Variants in GLIS3 observed in about 807,000 individuals in gnomAD.
GLIS3 encodes zinc finger protein GLIS3.
In GLIS3, 53 loss-of-function variants were observed where a neutral mutation model predicts 78.6. That is an observed-to-expected ratio of 0.67 (90% CI 0.54 to 0.85). The LOEUF (loss-of-function observed/expected upper bound fraction) is 0.85, where lower values mean the gene tolerates loss of function less well. Among genes scored for constraint, GLIS3 ranks in the 40% least tolerant of loss-of-function variants. The pLI is 0.00. For synonymous variants in GLIS3, 684 were observed against 509.9 expected (o/e 1.34, Z -4.60); for missense variants, 1,703 against 1,231.1 (o/e 1.38, Z -5.74).
chr9:4,479,367 C>T, the GLIS3 span, among the ~76,000 whole-genome samples: 157 of 152,312 alleles, frequency 1.0e-3, no homozygotes, highest in African/African-American at 3.7e-3. Flanking sequence ...GCAACATTCC[C>T]TGTGGGCCTT....
chr9:3,898,351 G>A (rs1442849035), intron 7 of GLIS3: 5 of 339,920 alleles, frequency 1.5e-5, no homozygotes, highest in South Asian at 2.7e-5. Context: ...AAATCCACAC[G>A]CAGCCTGCTA....
At chr9:4,462,672 GTGTGT>G in the GLIS3 span, among the ~76,000 whole-genome samples, 1 of 151,410 alleles carries the variant, frequency 6.6e-6, no homozygotes, top group Non-Finnish European at 1.5e-5. Flanking sequence ...CATTAGCTGG[GTGTGT>G]TGTATGTCTG....
intron 2 of GLIS3, among the ~76,000 whole-genome samples, chr9:4,327,690 C>T (rs567209401): frequency 3.7e-4 from 57 of 152,308 alleles, no homozygotes; most frequent in African/African-American, 4.1e-4. Context: ...CTCCAGGGGG[C>T]GCCATCCACT....
chr9:4,424,431 C>T, the GLIS3 span, among the ~76,000 whole-genome samples: 2 of 152,196 alleles, frequency 1.3e-5, no homozygotes, highest in East Asian at 1.9e-4. Flanking sequence ...GCAACAGATT[C>T]TAGCCTAGAT....
chr9:4,283,906 G>A (rs895986503), intron 2 of GLIS3, among the ~76,000 whole-genome samples: 1 of 152,180 alleles, frequency 6.6e-6, no homozygotes, highest in Non-Finnish European at 1.5e-5. Context: ...GCCTATGCAT[G>A]TGCCAACCAT....
chr9:4,088,439 G>T (rs1588642013), intron 4 of GLIS3, among the ~76,000 whole-genome samples: 1 of 152,328 alleles, frequency 6.6e-6, no homozygotes, highest in East Asian at 1.9e-4. Flanking sequence ...AGAGATGAAT[G>T]ACAGCCAACA....
chr9:3,991,973 A>C (rs1198028367), intron 4 of GLIS3, among the ~76,000 whole-genome samples: 1 of 152,198 alleles, frequency 6.6e-6, no homozygotes, highest in Non-Finnish European at 1.5e-5. Context: ...TACAGGCATG[A>C]GCCACCCTGC....
intron 8 of GLIS3, among the ~76,000 whole-genome samples, chr9:3,857,039 T>C (rs551406381): frequency 1.3e-5 from 2 of 152,346 alleles, no homozygotes; most frequent in South Asian, 2.1e-4. Flanking sequence ...GAAGGCAAGA[T>C]GTAATTGTTA....
chr9:4,288,113 T>A (rs142162536), intron 1 of GLIS3, among the ~76,000 whole-genome samples: 1 of 152,332 alleles, frequency 6.6e-6, no homozygotes, highest in African/African-American at 2.4e-5. Context: ...AAAATTCCAA[T>A]GCTTTTTATG....
intron 2 of GLIS3, among the ~76,000 whole-genome samples, chr9:4,241,541 T>C (rs1215526503): frequency 6.6e-6 from 1 of 152,136 alleles, no homozygotes; most frequent in Non-Finnish European, 1.5e-5. Flanking sequence ...ACTATAAAGA[T>C]TCGATCTTTA....
At chr9:4,171,489 A>T (rs1215941923) in intron 2 of GLIS3, among the ~76,000 whole-genome samples, 1 of 152,246 alleles carries the variant, frequency 6.6e-6, no homozygotes, top group East Asian at 1.9e-4. Flanking sequence ...AGATGGAATA[A>T]ACCTCATTCA....
chr9:4,035,019 A>G (rs912005790), intron 4 of GLIS3: 24 of 152,294 alleles, frequency 1.6e-4, no homozygotes, highest in African/African-American at 5.5e-4. Context: ...GAGTTTCTGA[A>G]TATGTTTGCT....
chr9:4,204,017 C>T lies in GLIS3; in HGVS notation c.389-78076G>A, dbSNP rs182169268. Among the ~76,000 whole-genome samples the T allele has an allele frequency of 4.6e-5, 7 of 152,220 alleles. No homozygotes were observed. The East Asian group carries it at 1.2e-3, about 25-fold the overall frequency. ...CTGTTGGGTATATGCTAGGTACCTG[C>T]GTTAACATGATCCATCCTCAGCATC... On this transcript the variant is annotated intron_variant, in intron 2 of 10. Transcript: ENST00000381971.
intron 4 of GLIS3, among the ~76,000 whole-genome samples, chr9:4,085,050 T>C (rs1257754802): frequency 6.6e-6 from 1 of 151,612 alleles, no homozygotes; most frequent in Non-Finnish European, 1.5e-5. Flanking sequence ...TGTTTATACA[T>C]AAAATTATAT....
chr9:3,828,508 G>A lies in GLIS3; in HGVS notation c.2657-100C>T, dbSNP rs1273581308. 3.4e-6 allele frequency: 5 copies of A among 1,472,714 alleles called. No homozygotes were observed. The African/African-American group carries it at 5.6e-5, about 16-fold the overall frequency. The allele number at this position is 1,472,714 out of a possible 1,614,324, so 91.2% of individuals were successfully genotyped here. Reference sequence around the variant, plus strand: ...TGCAGCTCACCAAGTGAGGACTGGGGGCTAAGGAGGCAACCATGCCAGCCT... The same window carrying A: ...TGCAGCTCACCAAGTGAGGACTGGGAGCTAAGGAGGCAACCATGCCAGCCT... On this transcript the variant is annotated intron_variant, in intron 10 of 10. Transcript: ENST00000381971.
intron 2 of GLIS3, among the ~76,000 whole-genome samples, chr9:4,161,747 C>T (rs1434710851): frequency 7.2e-6 from 1 of 138,204 alleles, no homozygotes; most frequent in Non-Finnish European, 1.5e-5. Context: ...GCGCAATTCT[C>T]GGCTCACTGT....
At position 4,156,851 on chromosome 9, in the gene GLIS3, G is replaced by T. The variant is rs552504165; in HGVS notation, c.389-30910C>A. On this transcript the variant is annotated intron_variant, in intron 2 of 10. Coordinates refer to ENST00000381971, the MANE Select transcript of GLIS3 (RefSeq NM_001042413.2). ...AAAAAAAATGCCCTCTCCCAGCTTA[G>T]CTTGCAGTGGTTCTCAAAGTGTGGT... is the stretch of plus-strand genomic sequence containing the variant. 3.3e-5 allele frequency among the ~76,000 whole-genome samples: 5 copies of T among 152,258 alleles called. No homozygotes were observed. In the East Asian group the frequency reaches 9.6e-4, roughly 29 times the overall value.
intron 7 of GLIS3, among the ~76,000 whole-genome samples, chr9:3,896,468 C>T (rs186720320): frequency 6.6e-6 from 1 of 151,588 alleles, no homozygotes; most frequent in Non-Finnish European, 1.5e-5. Context: ...AGTTTGAGAC[C>T]AGCCTGGCCA....
intron 2 of GLIS3, among the ~76,000 whole-genome samples, chr9:4,319,123 A>G (rs1044154986): frequency 6.6e-6 from 1 of 152,356 alleles, no homozygotes; most frequent in East Asian, 1.9e-4. Context: ...ATACATGACA[A>G]CAAAATGAAA....
Sources: gnomAD v4.1 joint callset for allele counts (sites outside exome capture counted in the v4.1 genomes callset) on GRCh38, gnomAD v4.1.1 for gene constraint, MANE v1.5 for transcripts, NCBI Gene and HGNC (gene_info 2026-07-23, HGNC 2026-07-21) for gene names.